Variants in ELF2 observed in about 807,000 individuals in gnomAD.
ELF2 encodes the protein E74 like ETS transcription factor 2, also known as ETS-related transcription factor Elf-2.
ELF2 carries 11 observed loss-of-function variants against 54.8 expected under a neutral mutation model. The observed-to-expected ratio is 0.20, with a 90% CI of 0.13 to 0.33. The LOEUF is 0.33. Ranked by LOEUF, ELF2 falls within the 10% of genes least tolerant of loss-of-function variation. The pLI, the probability that ELF2 is intolerant of heterozygous loss-of-function variation, is 1.00. For synonymous variants in ELF2, 203 were observed against 245.1 expected, an observed-to-expected ratio of 0.83 and a Z score of 1.61; for missense variants, 513 against 703.0, an observed-to-expected ratio of 0.73 and a Z score of 3.06.
chr4:139,150,839 G>A (rs1030251609), intron 1 of ELF2, among the ~76,000 whole-genome samples: 8 of 151,960 alleles, frequency 5.3e-5, no homozygotes, highest in African/African-American at 1.4e-4. Flanking sequence ...TCGCTAACAC[G>A]GTGAAACCCG....
intron 1 of ELF2, among the ~76,000 whole-genome samples, chr4:139,175,622 G>T (rs1742826312): frequency 6.6e-6 from 1 of 152,116 alleles, no homozygotes; most frequent in Non-Finnish European, 1.5e-5. Context: ...ACATCCTTCC[G>T]TGATTCTGGC....
intron 4 of ELF2, among the ~76,000 whole-genome samples, chr4:139,108,417 A>G (rs1734631855): frequency 1.3e-5 from 2 of 152,134 alleles, no homozygotes; most frequent in African/African-American, 2.4e-5. Context: ...CATTTTATTA[A>G]TAACTATGTT....
At chr4:139,073,321 C>A (rs1729786875) in intron 5 of ELF2, 133 bp downstream of exon 5, 1 of 464,508 alleles carries the variant, frequency 2.2e-6, no homozygotes, top group Non-Finnish European at 3.8e-6. Context: ...TCAATTACTG[C>A]TGTCATGTAT....
At chr4:139,081,625 G>A (rs1227611089) in intron 4 of ELF2, among the ~76,000 whole-genome samples, 5 of 152,096 alleles carry the variant, frequency 3.3e-5, no homozygotes, top group East Asian at 1.9e-4. Flanking sequence ...CCTCCCTCAA[G>A]GAGATAAAAA....
At chr4:139,114,562 CACA>C (rs1485644822) in intron 4 of ELF2, among the ~76,000 whole-genome samples, 256 of 10,158 alleles carry the variant, frequency 0.025, 4 homozygotes, top group Non-Finnish European at 0.045. Context: ...ACTTCAGTCT[CACA>C]CACACACACA....
chr4:139,061,112 A>C (rs1405384791), intron 8 of ELF2, among the ~76,000 whole-genome samples: 1 of 151,808 alleles, frequency 6.6e-6, no homozygotes, highest in Non-Finnish European at 1.5e-5. Flanking sequence ...ACTTAAAAAC[A>C]CCCTTAATTA....
chr4:139,094,284 A>G (rs1733006084), intron 4 of ELF2, among the ~76,000 whole-genome samples: 1 of 152,350 alleles, frequency 6.6e-6, no homozygotes, highest in Non-Finnish European at 1.5e-5. Flanking sequence ...GCCCTCCTAG[A>G]CCAGTTAGTT....
At chr4:139,130,170 TAC>T (rs1737348852) in intron 3 of ELF2, among the ~76,000 whole-genome samples, 1 of 151,660 alleles carries the variant, frequency 6.6e-6, no homozygotes, top group Admixed American at 6.6e-5. Flanking sequence ...TGCCTGAGGC[TAC>T]CAGAAGCTAG....
At chr4:139,098,999 T>C (rs1205034339) in intron 4 of ELF2, among the ~76,000 whole-genome samples, 3 of 152,258 alleles carry the variant, frequency 2.0e-5, no homozygotes, top group African/African-American at 7.2e-5. Context: ...TTGGTCAAGT[T>C]TAGTTTATTC....
intron 1 of ELF2, among the ~76,000 whole-genome samples, chr4:139,159,357 G>T (rs1480663999): frequency 6.6e-6 from 1 of 152,222 alleles, no homozygotes; most frequent in East Asian, 1.9e-4. Flanking sequence ...TAACCTACAT[G>T]GAAGAGGTTA....
At chr4:139,129,367 C>T (rs760441599) in intron 3 of ELF2, among the ~76,000 whole-genome samples, 11 of 152,166 alleles carry the variant, frequency 7.2e-5, no homozygotes, top group Non-Finnish European at 1.0e-4. Context: ...CTCAAGTAAG[C>T]CCACCCATTC....
In ELF2 at chr4:139,059,144, C is replaced by T. The variant is rs751569660; in HGVS notation, c.1621G>A (p.Ala541Thr). ...KGPEVKSEAVAKKQEHDVKTL... is the reference protein window; with the variant it reads ...KGPEVKSEAVTKKQEHDVKTL... The stretch of plus-strand genomic sequence containing the variant: ...TTCACATCATGTTCTTGCTTTTTTG[C>T]CACTGCTTCCGATTTAACCTCTGGC... The change falls in exon 10 of 10, where the codon GCA becomes ACA. Residue 541 changes from alanine to threonine, a missense_variant. Ala to Thr is a moderately conservative substitution (Grantham distance 58). Around this residue, in one of 3 missense-constraint regions of ELF2, gnomAD observed 291 missense variants for 366.1 expected, o/e 0.79. Transcript: ENST00000686138. The T allele has an allele frequency of 5.0e-5, 81 of 1,613,764 alleles. No homozygotes were observed. Among genetic ancestry groups the T allele is most frequent in the Non-Finnish European group, 6.5e-5 (77 of 1,179,854 alleles).
intron 1 of ELF2, among the ~76,000 whole-genome samples, chr4:139,147,078 A>G (rs1418616369): frequency 6.6e-6 from 1 of 152,216 alleles, no homozygotes; most frequent in Non-Finnish European, 1.5e-5. Context: ...AATAATCAGC[A>G]TCATCATCAG....
chr4:139,104,464 G>A (rs1184567843), intron 4 of ELF2, among the ~76,000 whole-genome samples: 3 of 144,418 alleles, frequency 2.1e-5, no homozygotes, highest in Non-Finnish European at 3.0e-5. Flanking sequence ...AGCTGAGATC[G>A]TGCCACTGCA....
At chr4:139,078,839 T>C (rs1730682748) in intron 4 of ELF2, among the ~76,000 whole-genome samples, 1 of 152,204 alleles carries the variant, frequency 6.6e-6, no homozygotes, top group Non-Finnish European at 1.5e-5. Context: ...TCTGTATTTA[T>C]CATATTTGAA....
At chr4:139,074,388 C>T (rs1729972785) in intron 4 of ELF2, among the ~76,000 whole-genome samples, 1 of 152,174 alleles carries the variant, frequency 6.6e-6, no homozygotes, top group Non-Finnish European at 1.5e-5. Flanking sequence ...TCAATTCTTA[C>T]AGACCCTCTT....
chr4:139,059,303 C>G lies in ELF2; in HGVS notation c.1462G>C (p.Gly488Arg), dbSNP rs149596842. 13 of 1,613,920 alleles carry G rather than the reference C, an allele frequency of 8.1e-6. No homozygotes were observed. The highest frequency in any genetic ancestry group is 1.1e-5 in the Non-Finnish European group (13 of 1,179,860). ...AGTGCTCTCACAGCCAATGGGGTTC[C>G]AACAATGTTAATGCTTCCTGATCCA... ...LTGSGSINIV[G>R]TPLAVRALTP... Residue 488 changes from glycine to arginine, a missense_variant, in exon 10 of 10, where the codon GGA becomes CGA. By Grantham distance (125) the Gly-to-Arg change is moderately radical. Coordinates refer to ENST00000686138, the MANE Select transcript of ELF2 (RefSeq NM_001331036.3).
At chr4:139,152,123 G>GT (rs1213800242) in intron 1 of ELF2, among the ~76,000 whole-genome samples, 1 of 152,122 alleles carries the variant, frequency 6.6e-6, no homozygotes, top group East Asian at 1.9e-4. Context: ...AAGAAATATT[G>GT]TATTATCTTC....
chr4:139,080,169 A>G (rs1474048087), intron 4 of ELF2, among the ~76,000 whole-genome samples: 1 of 152,196 alleles, frequency 6.6e-6, no homozygotes, highest in Non-Finnish European at 1.5e-5. Flanking sequence ...TTTATGTTGA[A>G]TGATTCTGAT....
Sources: allele counts gnomAD v4.1 joint callset (sites outside exome capture counted in the v4.1 genomes callset), GRCh38; gene constraint gnomAD v4.1.1; regional missense constraint gnomAD v4.1.1; transcripts MANE v1.5; gene names NCBI Gene and HGNC (gene_info 2026-07-23, HGNC 2026-07-21).